Variants in XRCC4 observed in about 807,000 individuals in gnomAD.
XRCC4 encodes the protein DNA repair protein XRCC4.
Under a neutral mutation model 39.1 loss-of-function variants are expected in XRCC4, and 28 were observed. The ratio of observed to expected loss-of-function variants is 0.72; its 90% CI spans 0.53 to 0.98. XRCC4 has a LOEUF of 0.98. Ranked by LOEUF, XRCC4 falls within the 50% of genes least tolerant of loss-of-function variation. XRCC4 has a pLI of 0.00. For missense variants in XRCC4, 350 were observed against 376.4 expected (o/e 0.93, Z 0.58); for synonymous variants, 123 against 126.4 (o/e 0.97, Z 0.18).
At chr5:83,278,972 G>C (rs1754435578) in intron 7 of XRCC4, among the ~76,000 whole-genome samples, 1 of 139,600 alleles carries the variant, frequency 7.2e-6, no homozygotes, top group African/African-American at 2.7e-5. Flanking sequence ...CTCCACTCCA[G>C]CCTGGGCGGC....
chr5:83,085,633 C>T (rs1026489490), intron 1 of XRCC4, among the ~76,000 whole-genome samples: 19 of 152,128 alleles, frequency 1.2e-4, no homozygotes, highest in African/African-American at 4.1e-4. Flanking sequence ...ATTTTAAAAA[C>T]TTGCCAAGTG....
chr5:83,108,527 G>A (rs78874620), intron 2 of XRCC4, among the ~76,000 whole-genome samples: 2,214 of 151,838 alleles, frequency 0.015, 62 homozygotes, highest in African/African-American at 0.051. Flanking sequence ...TAAGATATTA[G>A]CACTTGAATT....
chr5:83,233,312 A>C (rs1357951444), intron 6 of XRCC4, among the ~76,000 whole-genome samples: 1 of 152,162 alleles, frequency 6.6e-6, no homozygotes, highest in Admixed American at 6.6e-5. Flanking sequence ...TGCAGTAGGC[A>C]AATGGAAGTA....
At chr5:83,297,524 A>G (rs1755136520) in intron 7 of XRCC4, among the ~76,000 whole-genome samples, 1 of 152,004 alleles carries the variant, frequency 6.6e-6, no homozygotes, top group Non-Finnish European at 1.5e-5. Context: ...ATACACCAAT[A>G]CATATTTTAA....
intron 3 of XRCC4, among the ~76,000 whole-genome samples, chr5:83,136,867 A>C (rs1019520955): frequency 7.9e-5 from 12 of 152,172 alleles, no homozygotes; most frequent in African/African-American, 2.9e-4. Flanking sequence ...GGTTCTGGAG[A>C]TCTAATTTAT....
At chr5:83,264,185 C>A (rs536368520) in intron 7 of XRCC4, among the ~76,000 whole-genome samples, 1 of 152,242 alleles carries the variant, frequency 6.6e-6, no homozygotes, top group African/African-American at 2.4e-5. Flanking sequence ...ATTGCACAAT[C>A]CATGCACTTT....
intron 3 of XRCC4, among the ~76,000 whole-genome samples, chr5:83,148,497 A>G (rs1748560094): frequency 6.6e-6 from 1 of 152,042 alleles, no homozygotes; most frequent in Non-Finnish European, 1.5e-5. Flanking sequence ...TTTCTGGGAG[A>G]GTTATTCTTT....
At chr5:83,131,417 A>T (rs1337940146) in intron 3 of XRCC4, among the ~76,000 whole-genome samples, 1 of 152,112 alleles carries the variant, frequency 6.6e-6, no homozygotes, top group African/African-American at 2.4e-5. Flanking sequence ...AGCTGAGTTC[A>T]ATTCCTGGGT....
intron 3 of XRCC4, among the ~76,000 whole-genome samples, chr5:83,130,980 T>A (rs1181967391): frequency 6.6e-6 from 1 of 152,200 alleles, no homozygotes; most frequent in Non-Finnish European, 1.5e-5. Flanking sequence ...TCAATTCTGC[T>A]CTGATCCTAG....
chr5:83,126,086 C>A (rs144246493), intron 3 of XRCC4, among the ~76,000 whole-genome samples: 2,275 of 151,080 alleles, frequency 0.015, 74 homozygotes, highest in African/African-American at 0.052. Context: ...TGCCTTTCCA[C>A]ATACACTTTT....
intron 3 of XRCC4, among the ~76,000 whole-genome samples, chr5:83,187,388 C>T (rs1445624467): frequency 6.6e-6 from 1 of 152,202 alleles, no homozygotes; most frequent in Non-Finnish European, 1.5e-5. Flanking sequence ...AGAATAATCT[C>T]TCATCTCAAA....
intron 7 of XRCC4, among the ~76,000 whole-genome samples, chr5:83,274,294 A>C (rs1463835556): frequency 2.6e-5 from 4 of 152,228 alleles, no homozygotes; most frequent in African/African-American, 9.6e-5. Context: ...AATAATTTAT[A>C]ATCTAATTTT....
chr5:83,090,765 C>G lies in XRCC4; in HGVS notation c.-11+13150C>G, dbSNP rs371274789. Among the ~76,000 whole-genome samples the G allele has an allele frequency of 9.2e-5, 14 of 152,276 alleles. No homozygotes were observed. In the East Asian group the frequency reaches 1.4e-3, roughly 15 times the overall value. On this transcript the variant is annotated intron_variant, in intron 1 of 7. Coordinates refer to ENST00000396027, the MANE Select transcript of XRCC4 (RefSeq NM_003401.5). ...GTTCCTTATGAGTAACAAAAACATT[C>G]CTATCACTCAGGAAATTTCAAGGGT...
intron 3 of XRCC4, among the ~76,000 whole-genome samples, chr5:83,120,769 T>C (rs538734732): frequency 6.6e-6 from 1 of 152,344 alleles, no homozygotes; most frequent in Non-Finnish European, 1.5e-5. Context: ...GGGTATGTTT[T>C]AATTTTTAAC....
intron 3 of XRCC4, among the ~76,000 whole-genome samples, chr5:83,180,414 A>G (rs1184852488): frequency 6.6e-6 from 1 of 152,184 alleles, no homozygotes; most frequent in East Asian, 1.9e-4. Flanking sequence ...AGGCTGAGCT[A>G]GGACTATGCT....
intron 3 of XRCC4, among the ~76,000 whole-genome samples, chr5:83,190,325 A>G (rs1374050738): frequency 3.9e-5 from 6 of 152,150 alleles, no homozygotes; most frequent in East Asian, 1.9e-4. Context: ...TATATCTACA[A>G]TAGACAATAT....
intron 5 of XRCC4, among the ~76,000 whole-genome samples, chr5:83,204,316 C>T (rs1029330473): frequency 5.3e-5 from 8 of 152,068 alleles, no homozygotes; most frequent in South Asian, 4.1e-4. Context: ...TTACCAGTGA[C>T]GTAGTATAAA....
downstream of XRCC4, among the ~76,000 whole-genome samples, chr5:83,355,161 C>T (rs1193655863): frequency 6.6e-6 from 1 of 152,150 alleles, no homozygotes; most frequent in Non-Finnish European, 1.5e-5. Context: ...CTGGAATGCT[C>T]AGCTTCACAT....
At chr5:83,206,673 TG>T (rs1426684400) in intron 6 of XRCC4, among the ~76,000 whole-genome samples, 1 of 152,158 alleles carries the variant, frequency 6.6e-6, no homozygotes, top group African/African-American at 2.4e-5. Context: ...TTTTGTTTGT[TG>T]TTTTTAAATA....
Sources: gnomAD v4.1 joint callset for allele counts (sites outside exome capture counted in the v4.1 genomes callset) on GRCh38, gnomAD v4.1.1 for gene constraint, MANE v1.5 for transcripts, NCBI Gene and HGNC (gene_info 2026-07-23, HGNC 2026-07-21) for gene names.